Variants in SBNO1 observed in about 807,000 individuals in gnomAD.
SBNO1 encodes the protein protein strawberry notch homolog 1.
In SBNO1, 23 loss-of-function variants were observed where a neutral mutation model predicts 173.6. The observed-to-expected ratio is 0.13, with a 90% CI of 0.10 to 0.19. The LOEUF is 0.19. SBNO1 is among the 10% of genes least tolerant of loss of function. SBNO1 has a pLI of 1.00. For missense variants in SBNO1, 1,238 were observed against 1,671.2 expected (o/e 0.74, Z 4.52); for synonymous variants, 632 against 571.5 (o/e 1.11, Z -1.51).
intron 6 of SBNO1, among the ~76,000 whole-genome samples, chr12:123,335,000 G>GCAAA (rs1269475820): frequency 1.3e-5 from 2 of 152,148 alleles, no homozygotes; most frequent in African/African-American, 4.8e-5. Context: ...ACCAGCCTTG[G>GCAAA]CAATATAGTG....
intron 1 of SBNO1, among the ~76,000 whole-genome samples, chr12:123,351,931 C>G (rs1481815474): frequency 1.3e-5 from 2 of 151,944 alleles, no homozygotes; most frequent in East Asian, 1.9e-4. Context: ...AAATAAACAC[C>G]GAGCCCAGAA....
chr12:123,310,931 C>G, intron 25 of SBNO1, 124 bp downstream of exon 25: 1 of 695,442 alleles, frequency 1.4e-6, no homozygotes, highest in Middle Eastern at 2.6e-4. Flanking sequence ...TACCCCACAG[C>G]AGCCAAAACC....
rs568205225 is a variant in SBNO1, at chr12:123,350,585, G to GGATA, written c.1-148_1-145dup. ...GAACCTGCCATGTCTCAGACAAAGA[G>GGATA]GATAAAAGAGAAATAGTCTTGGATC... is the stretch of plus-strand genomic sequence containing the variant. On this transcript the variant is annotated intron_variant, in intron 1 of 31. Coordinates refer to ENST00000602398, the MANE Select transcript of SBNO1 (RefSeq NM_001167856.3). The GGATA allele has an allele frequency of 1.9e-4, 133 of 685,350 alleles. 1 individual carries two copies. In the African/African-American group the frequency reaches 2.3e-3, roughly 12 times the overall value. The allele number at this position is 685,350 out of a possible 1,614,324, so 42.5% of individuals were successfully genotyped here.
chr12:123,336,208 T>C (rs1374375375), intron 6 of SBNO1, among the ~76,000 whole-genome samples, 187 bp downstream of exon 6: 1 of 152,140 alleles, frequency 6.6e-6, no homozygotes, highest in Non-Finnish European at 1.5e-5. Flanking sequence ...CAATTACCTT[T>C]GATTTTTATA....
chr12:123,301,019 T>C (rs1221200614), intron 30 of SBNO1, among the ~76,000 whole-genome samples: 2 of 146,748 alleles, frequency 1.4e-5, no homozygotes, highest in African/African-American at 5.0e-5. Context: ...CTTTTAAAAC[T>C]TTTTTTTTTA....
intron 9 of SBNO1, among the ~76,000 whole-genome samples, chr12:123,329,391 A>T (rs1204270705): frequency 3.4e-5 from 5 of 148,542 alleles, no homozygotes; most frequent in South Asian, 2.1e-4. Flanking sequence ...TTTTTTTTTT[A>T]AATCCAGTTT....
At chr12:123,359,179 C>G (rs1171308174) in intron 1 of SBNO1, among the ~76,000 whole-genome samples, 1 of 151,666 alleles carries the variant, frequency 6.6e-6, no homozygotes, top group Non-Finnish European at 1.5e-5. Context: ...GTGATCAGCC[C>G]GCCTCAGCCT....
intron 16 of SBNO1, among the ~76,000 whole-genome samples, chr12:123,322,298 A>T (rs925018959): frequency 8.3e-5 from 12 of 145,030 alleles, no homozygotes; most frequent in African/African-American, 2.0e-4. Flanking sequence ...ATGACCAGAT[A>T]TTTTTTTTTT....
At chr12:123,358,043 G>T (rs1874664729) in intron 1 of SBNO1, among the ~76,000 whole-genome samples, 1 of 152,176 alleles carries the variant, frequency 6.6e-6, no homozygotes, top group Non-Finnish European at 1.5e-5. Flanking sequence ...TCTGAAACTT[G>T]GAACCAGAAG....
chr12:123,330,652 C>T (rs995354816), intron 8 of SBNO1, 143 bp from the exon 9 acceptor site: 7 of 595,398 alleles, frequency 1.2e-5, no homozygotes, highest in African/African-American at 1.9e-5. Flanking sequence ...AAAACACCAT[C>T]CCACTGAGTG....
intron 5 of SBNO1, among the ~76,000 whole-genome samples, chr12:123,338,111 A>ACAC (rs1872072600): frequency 6.6e-6 from 1 of 152,188 alleles, no homozygotes; most frequent in Non-Finnish European, 1.5e-5. Flanking sequence ...GATGTTCACT[A>ACAC]CACAACGCTG....
intron 1 of SBNO1, among the ~76,000 whole-genome samples, chr12:123,353,584 T>C (rs1874119284): frequency 6.6e-6 from 1 of 152,186 alleles, no homozygotes; most frequent in South Asian, 2.1e-4. Context: ...AATAAAGTTG[T>C]TTGCCTGATG....
intron 4 of SBNO1, among the ~76,000 whole-genome samples, chr12:123,341,494 A>G (rs1055488426): frequency 6.6e-6 from 1 of 152,194 alleles, no homozygotes; most frequent in African/African-American, 2.4e-5. Context: ...TTCAAAAACC[A>G]AAGAATGTCA....
chr12:123,312,079 ATCTT>A (rs1868645851), intron 24 of SBNO1, among the ~76,000 whole-genome samples: 2 of 148,720 alleles, frequency 1.3e-5, no homozygotes, highest in African/African-American at 4.9e-5. Context: ...AAATCAAGGA[ATCTT>A]TTTTTTTTTT....
rs1869863116 is a variant in SBNO1, at chr12:123,320,757, T to G, written c.2433A>C (p.Ser811=). The G allele has an allele frequency of 3.1e-6, 5 of 1,612,288 alleles. No homozygotes were observed. The part of the protein sequence containing the change: ...QSALLASGLG[S]KRPSFSSTPV... The stretch of plus-strand genomic sequence containing the variant: ...GTGTAGATGAAAAACTAGGTCGTTT[T>G]GATCCAAGACCTGATGCTAATAAGG... The change falls in exon 18 of 32, where the codon TCA becomes TCC. Residue 811 remains serine (S), a synonymous_variant. Transcript: ENST00000602398.
At chr12:123,323,495 T>C (rs530269376) in intron 16 of SBNO1, among the ~76,000 whole-genome samples, 185 bp downstream of exon 16, 52 of 152,026 alleles carry the variant, frequency 3.4e-4, no homozygotes, top group Admixed American at 2.1e-3. Context: ...GCTGGGACTA[T>C]AGGTGCCCAC....
chr12:123,333,287 C>G (rs1025389158), intron 7 of SBNO1, among the ~76,000 whole-genome samples: 6 of 13,570 alleles, frequency 4.4e-4, no homozygotes, highest in African/African-American at 1.8e-3. Flanking sequence ...AACTGCTTAA[C>G]TCTACCTCAC....
chr12:123,345,174 A>G, intron 4 of SBNO1, 84 bp downstream of exon 4: 1 of 1,217,340 alleles, frequency 8.2e-7, no homozygotes, highest in Non-Finnish European at 1.2e-6. Flanking sequence ...CCAGTTCTTT[A>G]AAAACCCAAG....
Sources: gnomAD v4.1 joint callset for allele counts (sites outside exome capture counted in the v4.1 genomes callset) on GRCh38, gnomAD v4.1.1 for gene constraint, MANE v1.5 for transcripts, NCBI Gene and HGNC (gene_info 2026-07-23, HGNC 2026-07-21) for gene names.